The following SOX5 variants were observed in gnomAD, a reference collection of about 807,000 sequenced individuals.
SOX5 encodes SRY-box transcription factor 5.
SOX5 carries 9 observed loss-of-function variants against 92.0 expected under a neutral mutation model. The ratio of observed to expected loss-of-function variants is 0.10; its 90% CI spans 0.06 to 0.17. The LOEUF (loss-of-function observed/expected upper bound fraction) is 0.17, where lower values mean the gene tolerates loss of function less well. Among genes scored for constraint, SOX5 ranks in the 10% least tolerant of loss-of-function variants. The pLI, the probability that SOX5 is intolerant of heterozygous loss-of-function variation, is 1.00. For synonymous variants in SOX5, 344 were observed against 336.3 expected (o/e 1.02, Z -0.25); for missense variants, 642 against 944.5 (o/e 0.68, Z 4.20).
upstream of SOX5, among the ~76,000 whole-genome samples, chr12:23,955,393 C>A (rs1036018826): frequency 2.0e-5 from 3 of 152,090 alleles, no homozygotes; most frequent in Non-Finnish European, 2.9e-5. Context: ...CTACTCTTCA[C>A]GTAATTTGGC....
intron 4 of SOX5, among the ~76,000 whole-genome samples, chr12:24,091,229 T>C (rs1944597928): frequency 1.3e-5 from 2 of 152,306 alleles, no homozygotes; most frequent in East Asian, 1.9e-4. Context: ...GTATTTAAGC[T>C]GAACACGCAA....
In SOX5 at chr12:24,077,767, AT is replaced by A. The variant is rs201433726; in HGVS notation, c.-2+135575del. ...AAGGTGGTACTTCTCTTCGAAAGGT[AT>A]TTTCATATATATATATATATATATA... is the stretch of plus-strand genomic sequence containing the variant. On this transcript the variant is annotated intron_variant, in intron 4 of 4. Coordinates refer to the SOX5 transcript ENST00000446891. Among the ~76,000 whole-genome samples the A allele has an allele frequency of 8.4e-3, 893 of 106,000 alleles. 12 individuals are homozygous for A. The highest frequency in any genetic ancestry group is 0.05 in the South Asian group (158 of 3,188). The allele number at this position is 106,000 out of a possible 152,430, so 69.5% of individuals were successfully genotyped here. A position where few individuals can be genotyped will look rare whatever the true frequency, so the allele number is the denominator to read the frequency against.
chr12:24,121,142 T>C (rs577110530), intron 4 of SOX5, among the ~76,000 whole-genome samples: 25 of 152,330 alleles, frequency 1.6e-4, no homozygotes, highest in Non-Finnish European at 3.7e-4. Flanking sequence ...TTCTACGTTG[T>C]AACATTATTA....
intron 2 of SOX5, among the ~76,000 whole-genome samples, chr12:24,281,176 A>G (rs78002451): frequency 0.012 from 1,863 of 151,316 alleles, 38 homozygotes; most frequent in African/African-American, 0.044. Context: ...ACAGGTCAGC[A>G]TGAAATTTCC....
intron 6 of SOX5, among the ~76,000 whole-genome samples, chr12:23,684,852 A>T (rs1253545960): frequency 2.6e-5 from 4 of 152,172 alleles, no homozygotes; most frequent in Admixed American, 1.3e-4. Context: ...GAAAATAGAA[A>T]TGAAAGCATT....
chr12:23,590,489 C>A (rs928670319), intron 9 of SOX5, among the ~76,000 whole-genome samples: 1 of 151,956 alleles, frequency 6.6e-6, no homozygotes, highest in Non-Finnish European at 1.5e-5. Context: ...CCTTCAAAAA[C>A]CTTCTAAATG....
intron 2 of SOX5, among the ~76,000 whole-genome samples, chr12:23,882,920 G>A (rs756022700): frequency 6.6e-6 from 1 of 152,104 alleles, no homozygotes; most frequent in Non-Finnish European, 1.5e-5. Context: ...GGTGGCTCAC[G>A]TCTGTAATCC....
chr12:23,534,783 C>T (rs753600277), intron 14 of SOX5, among the ~76,000 whole-genome samples: 1 of 147,848 alleles, frequency 6.8e-6, no homozygotes, highest in Non-Finnish European at 1.5e-5. Context: ...GATCTTGCCT[C>T]ACTGCAACCT....
chr12:24,187,846 G>GCAGT (rs1462409744), intron 4 of SOX5, among the ~76,000 whole-genome samples: 10 of 152,160 alleles, frequency 6.6e-5, no homozygotes, highest in Admixed American at 4.6e-4. Context: ...TACTCCTTGT[G>GCAGT]CAGTCTTCCG....
intron 1 of SOX5, among the ~76,000 whole-genome samples, chr12:23,904,730 T>C (rs1352417030): frequency 1.4e-5 from 2 of 143,248 alleles, no homozygotes; most frequent in African/African-American, 5.0e-5. Context: ...TTGCCCCCTA[T>C]GTTTACCTTG....
intron 4 of SOX5, among the ~76,000 whole-genome samples, chr12:24,143,885 A>AAGGAGG (rs761150041): frequency 6.7e-6 from 1 of 149,826 alleles, no homozygotes; most frequent in Admixed American, 6.7e-5. Context: ...AGGAGGAGGA[A>AAGGAGG]AGGAGGAGGA....
chr12:24,154,808 T>C (rs1046982479), intron 4 of SOX5, among the ~76,000 whole-genome samples: 5 of 152,138 alleles, frequency 3.3e-5, no homozygotes, highest in African/African-American at 1.2e-4. Flanking sequence ...AATATAATAA[T>C]ACAATTCATA....
At chr12:23,694,448 A>T (rs1354206898) in intron 6 of SOX5, among the ~76,000 whole-genome samples, 1 of 152,058 alleles carries the variant, frequency 6.6e-6, no homozygotes, top group Non-Finnish European at 1.5e-5. Flanking sequence ...TCTCTCTGCA[A>T]CCTAGTGAAT....
intron 3 of SOX5, among the ~76,000 whole-genome samples, chr12:23,812,029 G>C (rs2095883302): frequency 6.6e-6 from 1 of 151,902 alleles, no homozygotes; most frequent in Admixed American, 6.6e-5. Flanking sequence ...TATAAATAAA[G>C]GCAAAATGTT....
intron 9 of SOX5, among the ~76,000 whole-genome samples, chr12:23,596,780 TA>T (rs1952537134): frequency 6.6e-6 from 1 of 152,226 alleles, no homozygotes; most frequent in African/African-American, 2.4e-5. Flanking sequence ...CATTTTTAGC[TA>T]TGATGTTCAT....
intron 1 of SOX5, among the ~76,000 whole-genome samples, chr12:24,415,748 C>T (rs905363953): frequency 2.0e-5 from 3 of 152,118 alleles, no homozygotes; most frequent in African/African-American, 7.2e-5. Flanking sequence ...AAAATACACA[C>T]GTAGTATTGT....
chr12:23,541,166 A>C (rs1941957839), intron 13 of SOX5, among the ~76,000 whole-genome samples: 1 of 152,192 alleles, frequency 6.6e-6, no homozygotes. Flanking sequence ...TCAGAAGGGA[A>C]TTCTCATAGC....
At position 23,665,481 on chromosome 12, in the gene SOX5, G is replaced by T. The variant is rs781694807; in HGVS notation, c.894C>A (p.Phe298Leu). ...TATAGCTGAAGCCTGGAGGGAGGAG[G>T]AATCCTTGCTGGGCAGCTGCAGCCA... ...RTLAAAAQQG[F>L]LLPPGFSYKA... is the part of the protein sequence containing the mutation. The change falls in exon 7 of 15, where the codon TTC becomes TTA. Residue 298 changes from phenylalanine to leucine, a missense_variant. Transcript: ENST00000451604. 6.2e-7 allele frequency: 1 copy of T among 1,613,598 alleles called. No individual in the cohort carries two copies. Among genetic ancestry groups the T allele is most frequent in the Non-Finnish European group, 8.5e-7 (1 of 1,179,646 alleles).
chr12:24,217,441 C>A (rs967268349), intron 3 of SOX5, among the ~76,000 whole-genome samples: 3 of 152,148 alleles, frequency 2.0e-5, no homozygotes, highest in African/African-American at 4.8e-5. Flanking sequence ...AAAATATTCA[C>A]ATGCAAAAGA....
Sources: allele counts gnomAD v4.1 joint callset (sites outside exome capture counted in the v4.1 genomes callset), GRCh38; gene constraint gnomAD v4.1.1; transcripts MANE v1.5; gene names NCBI Gene and HGNC (gene_info 2026-07-23, HGNC 2026-07-21).